FRY: variants seen among roughly 807,000 people sequenced by gnomAD.
FRY encodes the protein protein furry homolog.
FRY carries 128 observed loss-of-function variants against 348.4 expected under a neutral mutation model. That is an observed-to-expected ratio of 0.37 (90% CI 0.32 to 0.43). The LOEUF (loss-of-function observed/expected upper bound fraction) is 0.43, where lower values mean the gene tolerates loss of function less well. Among genes scored for constraint, FRY ranks in the 20% least tolerant of loss-of-function variants. FRY has a pLI of 1.00. For missense variants in FRY, 2,736 were observed against 3,695.2 expected (o/e 0.74, Z 6.73); for synonymous variants, 1,370 against 1,374.7 (o/e 1.00, Z 0.08).
chr13:32,251,780 G>A (rs1887096203), intron 49 of FRY, 98 bp from the exon 50 acceptor site: 9 of 789,834 alleles, frequency 1.1e-5, no homozygotes, highest in Admixed American at 3.4e-5. Context: ...CTGTCTATAC[G>A]TTAAGTGCTA....
Position 32,237,367 on chromosome 13 carries a change from T to C in FRY, c.5811-12T>C, listed in dbSNP as rs1481275368. On this transcript the variant is annotated splice_polypyrimidine_tract_variant and intron_variant, in intron 43 of 60. Transcript: ENST00000542859. This position sits in a 1 kb window ranked among gnomAD's most constrained non-coding sequence, Gnocchi z 6.3. ...TTGGCATCCTATTAAACTTATTTAT[T>C]TTTATACCCAGCTCTTCCTCACCAG... is the stretch of plus-strand genomic sequence containing the variant. The C allele has an allele frequency of 2.5e-6, 4 of 1,613,474 alleles. No homozygotes were observed. The highest frequency in any genetic ancestry group is 2.2e-5 in the South Asian group (2 of 90,974).
At chr13:32,152,997 A>G (rs935874978) in intron 14 of FRY, among the ~76,000 whole-genome samples, 1 of 152,170 alleles carries the variant, frequency 6.6e-6, no homozygotes, top group Non-Finnish European at 1.5e-5. Context: ...AATCTCATGA[A>G]AAGACATTCA....
chr13:32,243,322 C>T (rs913715566), intron 46 of FRY, among the ~76,000 whole-genome samples: 1 of 152,176 alleles, frequency 6.6e-6, no homozygotes, highest in Admixed American at 6.5e-5. Context: ...GCGTTCAATA[C>T]TTGAATTGCT....
chr13:32,292,014 A>G (rs1362065161), intron 59 of FRY: 1 of 448,574 alleles, frequency 2.2e-6, no homozygotes, highest in Non-Finnish European at 4.5e-6. Context: ...ATGTAGTTGC[A>G]CTCTGTTGCC....
rs199741828 is a variant in FRY, at chr13:32,225,956, C to A, written c.5188C>A (p.Pro1730Thr). The A allele has an allele frequency of 2.5e-6, 4 of 1,614,046 alleles. No individual in the cohort carries two copies. The African/African-American group carries it at 4.0e-5, about 16-fold the overall frequency. ...KTLTVQPAYQ[P>T]EYLYTGGFDF... Reference sequence around the variant, plus strand: ...TCTAACCGTGCAGCCAGCCTACCAACCTGAATATCTCTATACAGGTAACAG... The same window carrying A: ...TCTAACCGTGCAGCCAGCCTACCAAACTGAATATCTCTATACAGGTAACAG... Residue 1730 changes from proline to threonine, a missense_variant, in exon 39 of 61, where the codon CCT (proline) becomes ACT (threonine). Coordinates refer to ENST00000542859, the MANE Select transcript of FRY (RefSeq NM_023037.3).
intron 28 of FRY, among the ~76,000 whole-genome samples, chr13:32,193,410 A>T (rs966300607): frequency 2.0e-5 from 3 of 151,996 alleles, no homozygotes; most frequent in Admixed American, 6.6e-5. Context: ...TCCTACTGGC[A>T]TCAAAATGTT....
At chr13:32,048,772 T>C (rs558142240) in intron 1 of FRY, among the ~76,000 whole-genome samples, 3 of 151,896 alleles carry the variant, frequency 2.0e-5, no homozygotes, top group Non-Finnish European at 4.4e-5. Context: ...ACTGATGGCC[T>C]TACTAGAAAA....
intron 1 of FRY, among the ~76,000 whole-genome samples, chr13:32,044,951 A>C (rs1206191966): frequency 3.9e-5 from 6 of 152,190 alleles, no homozygotes; most frequent in Non-Finnish European, 8.8e-5. Flanking sequence ...AATTGCAGTA[A>C]AATATGACCA....
chr13:32,186,367 C>A lies in FRY; in HGVS notation c.3427C>A (p.Arg1143Ser), dbSNP rs771312453. Residue 1143 changes from arginine to serine, a missense_variant, in exon 27 of 61, where the codon CGT (arginine) becomes AGT (serine). Coordinates refer to ENST00000542859, the MANE Select transcript of FRY (RefSeq NM_023037.3). ...PFSIMFTPLD[R>S]YSDRNHQITR... ...CAGCATTATGTTCACTCCTCTGGAT[C>A]GTTACAGTGACAGAAATCATCAGAT... 1 of 1,608,004 alleles carries A rather than the reference C, an allele frequency of 6.2e-7. No homozygotes were observed.
intron 35 of FRY, among the ~76,000 whole-genome samples, chr13:32,217,708 G>T (rs1044149731): frequency 6.6e-6 from 1 of 152,156 alleles, no homozygotes; most frequent in African/African-American, 2.4e-5. Flanking sequence ...ACTAGACAAG[G>T]TGTATAACTT....
At chr13:32,129,275 T>G (rs906483693) in intron 7 of FRY, among the ~76,000 whole-genome samples, 4 of 152,196 alleles carry the variant, frequency 2.6e-5, no homozygotes, top group African/African-American at 9.6e-5. Context: ...TACAGTCACA[T>G]TTCGATCTCA....
intron 28 of FRY, among the ~76,000 whole-genome samples, chr13:32,188,715 C>T (rs865875954): frequency 6.6e-6 from 1 of 152,176 alleles, no homozygotes. Context: ...TCTTGGTAGC[C>T]ATTGTTTTTA....
intron 59 of FRY, among the ~76,000 whole-genome samples, chr13:32,292,437 A>C (rs1395852695): frequency 2.0e-5 from 3 of 152,200 alleles, no homozygotes; most frequent in Non-Finnish European, 4.4e-5. Flanking sequence ...AGAAGTTCCA[A>C]GGTGTATAAA....
chr13:32,265,996 C>T (rs1167726578), intron 54 of FRY, among the ~76,000 whole-genome samples: 2 of 151,974 alleles, frequency 1.3e-5, no homozygotes, highest in African/African-American at 4.8e-5. Flanking sequence ...TAGGAAATAC[C>T]TACTCTTTAA....
rs188248329 is a variant in FRY, at chr13:32,089,860, A to G, written c.270+10827A>G. Among the ~76,000 whole-genome samples, 191 of 152,324 alleles carry G rather than the reference A, an allele frequency of 1.3e-3. 1 individual carries two copies. The highest frequency in any genetic ancestry group is 4.4e-3 in the African/African-American group (181 of 41,572). The stretch of plus-strand genomic sequence containing the variant: ...GTGGAAAGAAGGGAGTGAACATTGC[A>G]GCTAAAAGATCCAGCATGAAAAATG... On this transcript the variant is annotated intron_variant, in intron 2 of 60. Transcript: ENST00000542859.
At chr13:32,223,807 C>T (rs1175835131) in intron 36 of FRY, among the ~76,000 whole-genome samples, 2 of 152,128 alleles carry the variant, frequency 1.3e-5, no homozygotes, top group Non-Finnish European at 2.9e-5. Flanking sequence ...CGGTCCACTG[C>T]AGCCTCCACC....
At chr13:32,194,941 G>A (rs1883586075) in intron 29 of FRY, among the ~76,000 whole-genome samples, 2 of 152,080 alleles carry the variant, frequency 1.3e-5, no homozygotes, top group Admixed American at 6.6e-5. Context: ...AGGGAAACCA[G>A]CTCGTTTATT....
chr13:32,228,579 A>G lies in FRY; in HGVS notation c.5330A>G (p.Gln1777Arg). ...AGTGGAAACCTCCCACAGATGACCC[A>G]GGAGGTAGAAGATGTGGACACAGCT... ...GSSGNLPQMT[Q>R]EVEDVDTAAE... is the part of the protein sequence containing the mutation. Residue 1777 changes from glutamine (Q) to arginine (R), a missense_variant, in exon 40 of 61, where the codon CAG (glutamine) becomes CGG (arginine). Coordinates refer to ENST00000542859, the MANE Select transcript of FRY (RefSeq NM_023037.3). 1 of 1,614,066 alleles carries G rather than the reference A, an allele frequency of 6.2e-7. No homozygotes were observed.
At chr13:32,085,246 G>A (rs1277364122) in intron 2 of FRY, among the ~76,000 whole-genome samples, 1 of 152,110 alleles carries the variant, frequency 6.6e-6, no homozygotes, top group African/African-American at 2.4e-5. Context: ...GTGACTCTTA[G>A]TGATCAGACA....
Sources: gnomAD v4.1 joint callset for allele counts (sites outside exome capture counted in the v4.1 genomes callset) on GRCh38, gnomAD v4.1.1 for gene constraint, Gnocchi (gnomAD v3.1) non-coding constraint, MANE v1.5 for transcripts, NCBI Gene and HGNC (gene_info 2026-07-23, HGNC 2026-07-21) for gene names.